Variants in LTBP1 observed in about 807,000 individuals in gnomAD.
The protein encoded by LTBP1 is latent-transforming growth factor beta-binding protein 1.
Under a neutral mutation model 207.6 loss-of-function variants are expected in LTBP1, and 129 were observed. The ratio of observed to expected loss-of-function variants is 0.62; its 90% CI spans 0.54 to 0.72. LTBP1 has a LOEUF of 0.72. Among genes scored for constraint, LTBP1 ranks in the 30% least tolerant of loss-of-function variants. LTBP1 has a pLI of 0.00. For missense variants in LTBP1, 2,281 were observed against 2,217.2 expected (o/e 1.03, Z -0.58); for synonymous variants, 963 against 833.7 (o/e 1.16, Z -2.67).
intron 31 of LTBP1, among the ~76,000 whole-genome samples, chr2:33,370,760 T>A (rs546049929): frequency 6.6e-6 from 1 of 152,354 alleles, no homozygotes; most frequent in African/African-American, 2.4e-5. Context: ...TCAGACATCA[T>A]GCATCCCATT....
intron 3 of LTBP1, among the ~76,000 whole-genome samples, chr2:33,030,668 T>G (rs1294728487): frequency 6.6e-6 from 1 of 152,232 alleles, no homozygotes; most frequent in East Asian, 1.9e-4. Context: ...TGTATTAATT[T>G]AATTTAGTGA....
chr2:33,243,898 T>A, intron 10 of LTBP1, 114 bp downstream of exon 10: 1 of 1,196,716 alleles, frequency 8.4e-7, no homozygotes, highest in Non-Finnish European at 1.2e-6. Flanking sequence ...CAGGAAAACC[T>A]CATTAATTAA....
intron 27 of LTBP1, 77 bp downstream of exon 27, chr2:33,360,856 C>T (rs2094919990): frequency 1.2e-5 from 16 of 1,353,668 alleles, no homozygotes; most frequent in South Asian, 5.1e-5. Context: ...TGATAACACT[C>T]ATTCCCACAG....
At chr2:33,276,374 G>A (rs1182076094) in intron 18 of LTBP1, among the ~76,000 whole-genome samples, 2 of 152,182 alleles carry the variant, frequency 1.3e-5, no homozygotes, top group African/African-American at 4.8e-5. Flanking sequence ...AAGAAGCATG[G>A]TCTGACAAAC....
At chr2:33,186,387 T>C (rs1226542477) in intron 5 of LTBP1, among the ~76,000 whole-genome samples, 1 of 152,194 alleles carries the variant, frequency 6.6e-6, no homozygotes, top group African/African-American at 2.4e-5. Context: ...TTAATCTCCA[T>C]TGTATGCCAG....
intron 7 of LTBP1, among the ~76,000 whole-genome samples, chr2:33,205,447 A>G (rs183776207): frequency 5.3e-5 from 8 of 152,344 alleles, no homozygotes; most frequent in Admixed American, 4.6e-4. Context: ...TGCTTCAGTA[A>G]CACATTAGCA....
intron 9 of LTBP1, among the ~76,000 whole-genome samples, chr2:33,241,589 A>G (rs2092324638): frequency 1.3e-5 from 2 of 152,346 alleles, no homozygotes; most frequent in South Asian, 2.1e-4. Flanking sequence ...TGGGTCCTCA[A>G]TCTTATCATG....
intron 5 of LTBP1, among the ~76,000 whole-genome samples, chr2:33,165,792 T>G (rs982996884): frequency 6.6e-6 from 1 of 152,240 alleles, no homozygotes; most frequent in Non-Finnish European, 1.5e-5. Context: ...TAGTAAAGTC[T>G]GCTTAAATGC....
chr2:33,181,707 A>G (rs1267426464), intron 5 of LTBP1, among the ~76,000 whole-genome samples: 2 of 152,238 alleles, frequency 1.3e-5, no homozygotes, highest in African/African-American at 2.4e-5. Flanking sequence ...CCTTCCTGTA[A>G]TATTTTCTAA....
At chr2:33,183,656 T>C (rs2086892304) in intron 5 of LTBP1, among the ~76,000 whole-genome samples, 1 of 152,346 alleles carries the variant, frequency 6.6e-6, no homozygotes, top group African/African-American at 2.4e-5. Context: ...ATTCCAGTTA[T>C]AAATTCTTTG....
chr2:33,076,905 G>A (rs2078114397), intron 3 of LTBP1, among the ~76,000 whole-genome samples: 1 of 152,104 alleles, frequency 6.6e-6, no homozygotes, highest in Non-Finnish European at 1.5e-5. Flanking sequence ...TTGGCCAAGA[G>A]GGCATCTGTT....
intron 5 of LTBP1, among the ~76,000 whole-genome samples, chr2:33,159,914 C>T (rs2084310417): frequency 6.6e-6 from 1 of 152,136 alleles, no homozygotes; most frequent in Non-Finnish European, 1.5e-5. Context: ...TGGAGTCTCG[C>T]TCTGTTGCCC....
intron 11 of LTBP1, among the ~76,000 whole-genome samples, chr2:33,255,363 A>G (rs1019985160): frequency 3.9e-5 from 6 of 152,036 alleles, no homozygotes; most frequent in South Asian, 2.1e-4. Context: ...GAGAAATAGG[A>G]ACACTCTTAC....
chr2:32,962,836 A>T (rs1048928523), intron 2 of LTBP1, among the ~76,000 whole-genome samples: 7 of 152,316 alleles, frequency 4.6e-5, no homozygotes, highest in African/African-American at 1.7e-4. Context: ...TAGAAATGCA[A>T]ACTCTCCAGC....
chr2:33,106,840 C>A lies in LTBP1; in HGVS notation c.864-3742C>A, dbSNP rs1212988639. ...ACGAAAGTCAGCCTGTCCTTTGAAG[C>A]TTTGAAGTCAGGCATTGACTTCTTC... On this transcript the variant is annotated intron_variant, in intron 3 of 33. Coordinates refer to ENST00000404816, the MANE Select transcript of LTBP1 (RefSeq NM_206943.4). Among the ~76,000 whole-genome samples the A allele has an allele frequency of 2.6e-5, 4 of 152,208 alleles. No homozygotes were observed. The East Asian group carries it at 5.8e-4, about 22-fold the overall frequency.
rs147664237 is a variant in LTBP1, at chr2:33,043,585, G to A, written c.863+22379G>A. On this transcript the variant is annotated intron_variant, in intron 3 of 33. Transcript: ENST00000404816. Reference sequence around the variant, plus strand: ...AGAGTGTTTCAGGCTAGAATGGCCGGTTTTAGCTGTGGATGGAAAGGTAGT... The same window carrying A: ...AGAGTGTTTCAGGCTAGAATGGCCGATTTTAGCTGTGGATGGAAAGGTAGT... Among the ~76,000 whole-genome samples, 113 of 152,186 alleles carry A rather than the reference G, an allele frequency of 7.4e-4. 1 individual carries two copies. Among genetic ancestry groups the A allele is most frequent in the African/African-American group, 2.6e-3 (108 of 41,520 alleles).
chr2:33,137,854 T>C (rs2082269248), intron 5 of LTBP1, among the ~76,000 whole-genome samples: 2 of 152,166 alleles, frequency 1.3e-5, no homozygotes, highest in African/African-American at 4.8e-5. Flanking sequence ...CTAGATATCC[T>C]TATGCCATCT....
rs1234092773 is a variant in LTBP1 at position 33,301,625 on chromosome 2, G to A, written c.3462G>A (p.Gly1154=). ...GTGACCAGGGTTACAGAGCATCTGG[G>A]CTTGGAGACCACTGTGAAGGTAAGA... ...CVCDQGYRAS[G]LGDHCEDINE... The change falls in exon 22 of 34, where the codon GGG becomes GGA. Residue 1154 remains glycine, a synonymous_variant. Coordinates refer to ENST00000404816, the MANE Select transcript of LTBP1 (RefSeq NM_206943.4). The A allele has an allele frequency of 1.2e-6, 2 of 1,606,372 alleles. No individual in the cohort carries two copies. The highest frequency in any genetic ancestry group is 1.7e-5 in the Admixed American group (1 of 58,094).
chr2:33,081,919 C>T (rs1343143549), intron 3 of LTBP1, among the ~76,000 whole-genome samples: 5 of 152,148 alleles, frequency 3.3e-5, no homozygotes, highest in African/African-American at 9.7e-5. Flanking sequence ...CTTCCCCTTC[C>T]GCCACCACGA....
Sources: gnomAD v4.1 joint callset for allele counts (sites outside exome capture counted in the v4.1 genomes callset) on GRCh38, gnomAD v4.1.1 for gene constraint, MANE v1.5 for transcripts, NCBI Gene and HGNC (gene_info 2026-07-23, HGNC 2026-07-21) for gene names.